TCF3: variants seen among roughly 807,000 people sequenced by gnomAD.
TCF3 encodes transcription factor 3, also known as transcription factor E2-alpha.
In TCF3, 54 loss-of-function variants were observed where a neutral mutation model predicts 72.3. The ratio of observed to expected loss-of-function variants is 0.75; its 90% CI spans 0.60 to 0.94. The LOEUF (loss-of-function observed/expected upper bound fraction) is 0.94, where lower values mean the gene tolerates loss of function less well. Among genes scored for constraint, TCF3 ranks in the 40% least tolerant of loss-of-function variants. TCF3 has a pLI of 0.00. For missense variants in TCF3, 1,078 were observed against 934.4 expected, an observed-to-expected ratio of 1.15 and a Z score of -2.00; for synonymous variants, 525 against 412.6, an observed-to-expected ratio of 1.27 and a Z score of -3.30.
intron 2 of TCF3, among the ~76,000 whole-genome samples, chr19:1,647,068 G>A (rs960884010): frequency 5.3e-5 from 8 of 152,156 alleles, no homozygotes; most frequent in African/African-American, 9.7e-5. Flanking sequence ...ATGGAGCCCC[G>A]GGCCCGGCAG....
intron 5 of TCF3, 36 bp downstream of exon 5, chr19:1,632,002 G>A (rs1297473464): frequency 6.2e-7 from 1 of 1,603,902 alleles, no homozygotes; most frequent in Non-Finnish European, 8.5e-7. Context: ...GCACATCTGT[G>A]CACAGCAGAG....
intron 3 of TCF3, 102 bp from the exon 4 acceptor site, chr19:1,632,507 G>T: frequency 7.7e-7 from 1 of 1,295,492 alleles, no homozygotes; most frequent in Non-Finnish European, 1.1e-6. Flanking sequence ...GACCCGGGGG[G>T]CTTGTGGAAC....
chr19:1,640,201 T>C (rs1352125013), intron 3 of TCF3, among the ~76,000 whole-genome samples: 1 of 151,798 alleles, frequency 6.6e-6, no homozygotes, highest in Non-Finnish European at 1.5e-5. Flanking sequence ...CCCAGCACTT[T>C]TGGCACGGGT....
At chr19:1,621,721 T>C (rs1391964840) in intron 11 of TCF3, 117 bp downstream of exon 11, 2 of 1,344,396 alleles carry the variant, frequency 1.5e-6, no homozygotes, top group African/African-American at 3.0e-5. Flanking sequence ...AACAACCCGC[T>C]CTCAGGGCCA....
At chr19:1,612,358 C>G (rs1403514983) in intron 18 of TCF3, 1 of 1,613,974 alleles carries the variant, frequency 6.2e-7, no homozygotes, top group Non-Finnish European at 8.5e-7. Context: ...GCACCCGCTC[C>G]CGCGCGTTAT....
chr19:1,645,013 G>A (rs1354220870), intron 3 of TCF3, among the ~76,000 whole-genome samples: 1 of 152,122 alleles, frequency 6.6e-6, no homozygotes, highest in African/African-American at 2.4e-5. Flanking sequence ...ACGCCTCAGG[G>A]AGCATATTCC....
intron 3 of TCF3, among the ~76,000 whole-genome samples, chr19:1,645,848 G>C (rs994681576): frequency 2.0e-5 from 3 of 152,166 alleles, no homozygotes; most frequent in Admixed American, 1.3e-4. Context: ...CCTCAGTCCT[G>C]GGCAAACCAC....
chr19:1,652,121 C>T (rs1488703325), intron 1 of TCF3, among the ~76,000 whole-genome samples, 179 bp downstream of exon 1: 2 of 150,248 alleles, frequency 1.3e-5, no homozygotes, highest in South Asian at 2.1e-4. Context: ...CGCCGCCCCC[C>T]CGGCGCCGCG....
At chr19:1,620,158 G>A (rs926120684) in intron 13 of TCF3, among the ~76,000 whole-genome samples, 2 of 152,180 alleles carry the variant, frequency 1.3e-5, no homozygotes, top group Non-Finnish European at 2.9e-5. Context: ...TCCCCATGCT[G>A]CCCCACCCTG....
intron 16 of TCF3, among the ~76,000 whole-genome samples, chr19:1,617,050 T>A (rs754187444): frequency 6.6e-6 from 1 of 152,148 alleles, no homozygotes. Context: ...CTTCAGCACA[T>A]CAAGAGATTA....
intron 3 of TCF3, among the ~76,000 whole-genome samples, chr19:1,636,085 G>A (rs906677922): frequency 3.9e-5 from 6 of 152,230 alleles, no homozygotes; most frequent in African/African-American, 1.4e-4. Context: ...GCCCCTCTGG[G>A]GGTCATGACG....
chr19:1,622,115 C>G lies in TCF3; in HGVS notation c.761G>C (p.Gly254Ala). ...GCTGCTTCCACTGCTGCCCACCGGG[C>G]CGCTACCGGGCGGGAGGGGCAGCGG... ...SSPLPLPPGS[G>A]PVGSSGSSST... The change falls in exon 10 of 19, where the codon GGC becomes GCC. Residue 254 changes from glycine to alanine, a missense_variant. Physicochemically the swap from Gly to Ala is moderately conservative, Grantham distance 60. Coordinates refer to ENST00000262965, the MANE Select transcript of TCF3 (RefSeq NM_003200.5). 6.2e-7 allele frequency: 1 copy of G among 1,602,312 alleles called. No individual in the cohort carries two copies. The highest frequency in any genetic ancestry group is 8.5e-7 in the Non-Finnish European group (1 of 1,176,082).
intron 16 of TCF3, among the ~76,000 whole-genome samples, chr19:1,617,844 C>T (rs372940333): frequency 6.6e-6 from 1 of 152,200 alleles, no homozygotes; most frequent in East Asian, 1.9e-4. Flanking sequence ...CTGGCCCCCA[C>T]CCACTCCATG....
rs1555711592 is a variant in TCF3 at position 1,611,933 on chromosome 19, G to GA, written c.1823-85_1823-84insT. On this transcript the variant is annotated intron_variant, in intron 18 of 18. Transcript: ENST00000262965. ...GTGGGAGTGGGGGGTAGGATGTCGG[G>GA]GGGGGGGGTGGGGGCAGAGCCCCAT... 6.5e-3 allele frequency: 1,426 copies of GA among 220,756 alleles called. 40 individuals are homozygous for GA. Among genetic ancestry groups the GA allele is most frequent in the African/African-American group, 0.037 (1,308 of 35,604 alleles). The allele number at this position is 220,756 out of a possible 1,614,324, so 13.7% of individuals were successfully genotyped here. A position where few individuals can be genotyped will look rare whatever the true frequency, so the allele number is the denominator to read the frequency against.
rs77587457 is a variant in TCF3, at chr19:1,617,281, G to A, written c.1451-1460C>T. Among the ~76,000 whole-genome samples the A allele has an allele frequency of 6.0e-3, 912 of 152,272 alleles. 13 individuals carry two copies. Among genetic ancestry groups the A allele is most frequent in the African/African-American group, 0.021 (861 of 41,546 alleles). On this transcript the variant is annotated intron_variant, in intron 16 of 18. Transcript: ENST00000262965. ...ATGTTGGAATGACCTACAGCCCCACGCCCGGGCCAGGGCCAACGGCACACT... is the reference window on the plus strand; with the variant it reads ...ATGTTGGAATGACCTACAGCCCCACACCCGGGCCAGGGCCAACGGCACACT...
At chr19:1,619,051 A>G in intron 16 of TCF3, 60 bp downstream of exon 16, 1 of 1,596,962 alleles carries the variant, frequency 6.3e-7, no homozygotes, top group Non-Finnish European at 8.5e-7. Context: ...CCACCACTAG[A>G]GTGCCTCAGT....
Position 1,621,906 on chromosome 19 carries a change from G to A in TCF3, c.887C>T (p.Ala296Val), listed in dbSNP as rs368778918. 1.2e-6 allele frequency: 2 copies of A among 1,601,164 alleles called. No homozygotes were observed. The highest frequency in any genetic ancestry group is 1.7e-5 in the Admixed American group (1 of 58,066). ...GLPSASSFSSAPGATYGGVSS... is the reference protein window; with the variant it reads ...GLPSASSFSSVPGATYGGVSS... Reference sequence around the variant, plus strand: ...GACGCCGCCGTACGTGGCTCCGGGGGCTGAGGAGAAGGAGGATGCAGATGG... The same window carrying A: ...GACGCCGCCGTACGTGGCTCCGGGGACTGAGGAGAAGGAGGATGCAGATGG... Residue 296 changes from alanine to valine, a missense_variant, in exon 11 of 19, where the codon GCC becomes GTC. Physicochemically the swap from Ala to Val is moderately conservative, Grantham distance 64 (BLOSUM62 0). Coordinates refer to ENST00000262965, the MANE Select transcript of TCF3 (RefSeq NM_003200.5).
At chr19:1,612,276 C>T in intron 18 of TCF3, 1 of 1,613,274 alleles carries the variant, frequency 6.2e-7, no homozygotes, top group Non-Finnish European at 8.5e-7. Context: ...TTGGTCTGCG[C>T]TTTGTCCGAC....
chr19:1,634,848 T>C (rs1378512776), intron 3 of TCF3, among the ~76,000 whole-genome samples: 1 of 152,220 alleles, frequency 6.6e-6, no homozygotes, highest in African/African-American at 2.4e-5. Context: ...CGTTTGTCCA[T>C]GTACTATCAA....
Sources: allele counts gnomAD v4.1 joint callset (sites outside exome capture counted in the v4.1 genomes callset), GRCh38; gene constraint gnomAD v4.1.1; transcripts MANE v1.5; gene names NCBI Gene and HGNC (gene_info 2026-07-23, HGNC 2026-07-21).